Variants in TTLL9 observed in about 807,000 individuals in gnomAD.
TTLL9 encodes the protein tubulin tyrosine ligase like 9.
A neutral mutation model predicts 65.6 loss-of-function variants in TTLL9; 47 were observed. The ratio of observed to expected loss-of-function variants is 0.72; its 90% CI spans 0.57 to 0.91. The LOEUF (loss-of-function observed/expected upper bound fraction) is 0.91. Ranked by LOEUF, TTLL9 falls within the 40% of genes least tolerant of loss-of-function variation. The pLI is 0.00. For missense variants in TTLL9, 537 were observed against 568.8 expected, an observed-to-expected ratio of 0.94 and a Z score of 0.57; for synonymous variants, 179 against 204.8, an observed-to-expected ratio of 0.87 and a Z score of 1.07.
intron 4 of TTLL9, among the ~76,000 whole-genome samples, chr20:31,907,941 A>C (rs1165897826): frequency 1.3e-5 from 2 of 152,068 alleles, no homozygotes; most frequent in Non-Finnish European, 2.9e-5. Context: ...CCCGCACCCC[A>C]GCTCTGGCAC....
intron 14 of TTLL9, among the ~76,000 whole-genome samples, chr20:31,941,956 G>C (rs1031726520): frequency 6.6e-6 from 1 of 152,204 alleles, no homozygotes; most frequent in Admixed American, 6.5e-5. Flanking sequence ...ATAACTCAGA[G>C]ATGAGTGTAG....
Position 31,898,488 on chromosome 20 carries a change from G to A in TTLL9, c.129G>A (p.Ser43=), listed in dbSNP as rs1199173807. 8.7e-6 allele frequency: 14 copies of A among 1,613,970 alleles called. 1 individual carries two copies. The highest frequency in any genetic ancestry group is 6.7e-5 in the Admixed American group (4 of 60,002). Reference sequence around the variant, plus strand: ...TGTCTTGCAGAGAGCAGAGAGCATCGATCCGGTTCAAGACCACCCTCATGA... The same window carrying A: ...TGTCTTGCAGAGAGCAGAGAGCATCAATCCGGTTCAAGACCACCCTCATGA... ...SKGKEREQRA[S]IRFKTTLMNT... Residue 43 remains serine, a synonymous_variant, in exon 4 of 15, where the codon TCG becomes TCA. Transcript: ENST00000535842.
intron 4 of TTLL9, among the ~76,000 whole-genome samples, chr20:31,898,926 C>A (rs73903684): frequency 6.6e-6 from 1 of 152,204 alleles, no homozygotes; most frequent in African/African-American, 2.4e-5. Context: ...CCTCCAGTGA[C>A]GGGTCCAGAT....
Position 31,939,277 on chromosome 20 carries a change from C to G in TTLL9, c.1243+11C>G. 1 of 1,612,826 alleles carries G rather than the reference C, an allele frequency of 6.2e-7. No individual in the cohort carries two copies. Among genetic ancestry groups the G allele is most frequent in the Non-Finnish European group, 8.5e-7 (1 of 1,179,580 alleles). Reference sequence around the variant, plus strand: ...CCAACACACATCTCGGTATGTAGGGCCAGGTGGGGAGTGGGCACAAGGGAT... The same window carrying G: ...CCAACACACATCTCGGTATGTAGGGGCAGGTGGGGAGTGGGCACAAGGGAT... On this transcript the variant is annotated intron_variant, in intron 14 of 14. Coordinates refer to ENST00000535842, the MANE Select transcript of TTLL9 (RefSeq NM_001008409.5).
rs2064252638 is a variant in TTLL9 at position 31,943,318 on chromosome 20, A to AC, written c.*302dup. The AC allele has an allele frequency of 6.5e-6, 3 of 464,010 alleles. No individual in the cohort carries two copies. The highest frequency in any genetic ancestry group is 2.2e-5 in the South Asian group (1 of 45,430). The allele number at this position is 464,010 out of a possible 1,614,324, so 28.7% of individuals were successfully genotyped here. ...GAGAACAAATACAGCAAGTTCTGCTACCCCCAGGAGATCATATCTAATAAA... is the reference window on the plus strand; with the variant it reads ...GAGAACAAATACAGCAAGTTCTGCTACCCCCCAGGAGATCATATCTAATAAA... On this transcript the variant is annotated 3_prime_UTR_variant, in exon 15 of 15. Transcript: ENST00000535842.
chr20:31,912,238 G>C (rs1222497030), intron 6 of TTLL9, among the ~76,000 whole-genome samples: 1 of 152,154 alleles, frequency 6.6e-6, no homozygotes, highest in Non-Finnish European at 1.5e-5. Context: ...GAAAGCACTA[G>C]GTCAGTGTTT....
rs1357263071 is a variant in TTLL9, at chr20:31,943,039, G to A, written c.*18G>A. The A allele has an allele frequency of 6.2e-7, 1 of 1,613,300 alleles. No homozygotes were observed. The highest frequency in any genetic ancestry group is 8.5e-7 in the Non-Finnish European group (1 of 1,179,754). ...CCAGTTGATCCCCAGCTGCCAGGAG[G>A]AAATCAGCCTTAGCAGGTGCCACCC... is the stretch of plus-strand genomic sequence containing the variant. On this transcript the variant is annotated 3_prime_UTR_variant, in exon 15 of 15. Coordinates refer to ENST00000535842, the MANE Select transcript of TTLL9 (RefSeq NM_001008409.5).
rs373854935 is a variant in TTLL9, at chr20:31,943,021, A to C, written c.1320A>C (p.Ter440CysextTer44). ...AAGTTCAGAAGAAAGCTTCCAGTTG[A>C]TCCCCAGCTGCCAGGAGGAAATCAG... Reference protein sequence around the residue: ...SLQVQKKASS* With the variant: ...SLQVQKKASSC The change falls in exon 15 of 15, where the codon TGA becomes TGC. Residue 440 changes from the stop codon to cysteine (C), a stop_lost. Transcript: ENST00000535842. 5.6e-5 allele frequency: 91 copies of C among 1,613,810 alleles called. No individual in the cohort carries two copies. Among genetic ancestry groups the C allele is most frequent in the East Asian group, 3.3e-4 (15 of 44,886 alleles).
At chr20:31,942,821 C>A (rs1015940261) in intron 14 of TTLL9, 124 bp from the exon 15 acceptor site, 13 of 897,166 alleles carry the variant, frequency 1.4e-5, no homozygotes, top group Non-Finnish European at 2.3e-5. Flanking sequence ...AGGATATAAA[C>A]CACAGGCTGT....
intron 8 of TTLL9, among the ~76,000 whole-genome samples, chr20:31,924,261 A>G (rs948415163): frequency 1.3e-5 from 2 of 152,130 alleles, no homozygotes; most frequent in Non-Finnish European, 2.9e-5. Context: ...TGGCAGCCAG[A>G]GAGGAGACAC....
chr20:31,942,252 A>G (rs748897236), intron 14 of TTLL9, among the ~76,000 whole-genome samples: 1 of 152,178 alleles, frequency 6.6e-6, no homozygotes, highest in Non-Finnish European at 1.5e-5. Context: ...AGGTTAAATG[A>G]CCATAGTTAC....
rs2064165500 is a variant in TTLL9, at chr20:31,939,177, A to C, written c.1154A>C (p.Asp385Ala). The C allele has an allele frequency of 5.6e-6, 9 of 1,608,298 alleles. No homozygotes were observed. The highest frequency in any genetic ancestry group is 2.2e-5 in the East Asian group (1 of 44,596). ...AGGGAGAAGCGAGTCGGGGGCTTTG[A>C]CCTCATGTGGAATGATGGCCCTGTT... ...TGREKRVGGF[D>A]LMWNDGPVSR... The change falls in exon 14 of 15, where the codon GAC (aspartate) becomes GCC (alanine). Residue 385 changes from aspartate (D) to alanine (A), a missense_variant. Around this residue, in one of 3 missense-constraint regions of TTLL9, gnomAD observed 205 missense variants for 225.9 expected, o/e 0.91. Transcript: ENST00000535842.
intron 10 of TTLL9, among the ~76,000 whole-genome samples, chr20:31,930,141 T>C (rs965951506): frequency 1.9e-4 from 29 of 151,912 alleles, no homozygotes; most frequent in African/African-American, 7.0e-4. Flanking sequence ...AATAAATAAA[T>C]AAAAATAAAA....
At chr20:31,885,914 A>G (rs951985658) in intron 2 of TTLL9, among the ~76,000 whole-genome samples, 2 of 152,236 alleles carry the variant, frequency 1.3e-5, no homozygotes, top group Non-Finnish European at 2.9e-5. Flanking sequence ...ACAAATTTGC[A>G]TGTTGTGAAG....
Position 31,907,657 on chromosome 20 carries a change from G to A in TTLL9, c.207-934G>A, listed in dbSNP as rs1361621031. On this transcript the variant is annotated intron_variant, in intron 4 of 14. Transcript: ENST00000535842. The stretch of plus-strand genomic sequence containing the variant: ...AATCGCTTGAACCCGGGAGGAGGAG[G>A]TTGCAGTGAACTGAGATCTCGCCAT... Among the ~76,000 whole-genome samples the A allele has an allele frequency of 2.6e-5, 4 of 151,510 alleles. No individual in the cohort carries two copies. The South Asian group carries it at 8.4e-4, about 32-fold the overall frequency.
chr20:31,908,529 G>T, intron 4 of TTLL9, 62 bp from the exon 5 acceptor site: 1 of 1,191,130 alleles, frequency 8.4e-7, no homozygotes, highest in Non-Finnish European at 1.2e-6. Context: ...CACCTCCCTG[G>T]GCCCTGCAGT....
chr20:31,926,433 T>C (rs144778257), intron 10 of TTLL9, among the ~76,000 whole-genome samples: 31 of 152,320 alleles, frequency 2.0e-4, no homozygotes, highest in Middle Eastern at 3.4e-3. Flanking sequence ...ATACATACGT[T>C]GCTGGCGGGA....
At chr20:31,927,480 CAA>C (rs777895091) in intron 10 of TTLL9, among the ~76,000 whole-genome samples, 6 of 54,200 alleles carry the variant, frequency 1.1e-4, no homozygotes, top group Admixed American at 2.4e-4. Context: ...GACTCTGTCT[CAA>C]AAAAAAAAAA....
Position 31,943,025 on chromosome 20 carries a change from C to CCAG in TTLL9, c.*6_*8dup. On this transcript the variant is annotated 3_prime_UTR_variant, in exon 15 of 15. Transcript: ENST00000535842. ...TCAGAAGAAAGCTTCCAGTTGATCC[C>CCAG]CAGCTGCCAGGAGGAAATCAGCCTT... 1 of 1,613,872 alleles carries CCAG rather than the reference C, an allele frequency of 6.2e-7. No homozygotes were observed. The highest frequency in any genetic ancestry group is 1.3e-5 in the African/African-American group (1 of 75,038).
Sources: allele counts gnomAD v4.1 joint callset (sites outside exome capture counted in the v4.1 genomes callset), GRCh38; gene constraint gnomAD v4.1.1; regional missense constraint gnomAD v4.1.1; transcripts MANE v1.5; gene names NCBI Gene and HGNC (gene_info 2026-07-23, HGNC 2026-07-21).